Variants in CAND2 observed in about 807,000 individuals in gnomAD.
CAND2 encodes cullin associated and neddylation dissociated 2 (putative), also known as cullin-associated NEDD8-dissociated protein 2.
Under a neutral mutation model 98.9 loss-of-function variants are expected in CAND2, and 62 were observed. The observed-to-expected ratio is 0.63, with a 90% confidence interval of 0.51 to 0.77. The LOEUF is 0.77. Among genes scored for constraint, CAND2 ranks in the 30% least tolerant of loss-of-function variants. CAND2 has a pLI of 0.00. For missense variants in CAND2, 1,501 were observed against 1,655.2 expected (o/e 0.91, Z 1.62); for synonymous variants, 770 against 731.9 (o/e 1.05, Z -0.84).
intron 10 of CAND2, among the ~76,000 whole-genome samples, chr3:12,818,756 A>ACT (rs1307439453): frequency 6.6e-6 from 1 of 152,170 alleles, no homozygotes; most frequent in Non-Finnish European, 1.5e-5. Flanking sequence ...TGCTGTTGTT[A>ACT]CTAGGTAGGT....
intron 2 of CAND2, among the ~76,000 whole-genome samples, chr3:12,805,512 T>A (rs1176483713): frequency 6.6e-6 from 1 of 152,104 alleles, no homozygotes; most frequent in Non-Finnish European, 1.5e-5. Context: ...GGTCTTGAAC[T>A]CCTGACCTCA....
In CAND2 at chr3:12,815,439, C is replaced by T. The variant is rs140978687; in HGVS notation, c.1299+6C>T. The T allele has an allele frequency of 1.7e-4, 273 of 1,602,396 alleles. 1 individual carries two copies. In the African/African-American group the frequency reaches 3.0e-3, roughly 17 times the overall value. On this transcript the variant is annotated splice_donor_region_variant and intron_variant, in intron 8 of 14. Transcript: ENST00000456430. The surrounding 1 kb of genome is among the most constrained non-coding windows in gnomAD (Gnocchi z 5.7). ...TCCATATGCTACGTGGACAGGTGGG[C>T]GTGCCTTCACCTCCACCCCTACCCC...
intron 5 of CAND2, 138 bp from the exon 6 acceptor site, chr3:12,812,852 A>G: frequency 8.0e-6 from 5 of 626,342 alleles, no homozygotes; most frequent in South Asian, 5.7e-5. Context: ...TAGAACCCAC[A>G]TTTGCTTGAC....
At chr3:12,833,247 G>A (rs539740622) in intron 14 of CAND2, among the ~76,000 whole-genome samples, 1 of 152,192 alleles carries the variant, frequency 6.6e-6, no homozygotes, top group South Asian at 2.1e-4. Flanking sequence ...AACAGAAACT[G>A]CAGGAGGTAG....
intron 1 of CAND2, among the ~76,000 whole-genome samples, chr3:12,798,972 T>C (rs1173426117): frequency 6.6e-6 from 1 of 152,070 alleles, no homozygotes; most frequent in Admixed American, 6.5e-5. Flanking sequence ...GACCTTTGTT[T>C]CCTGTTCTTC....
In CAND2 at chr3:12,815,166, C is replaced by T. The variant is rs373312580; in HGVS notation, c.1032C>T (p.Asp344=). The T allele has an allele frequency of 9.4e-5, 152 of 1,611,878 alleles. No individual in the cohort carries two copies. The highest frequency in any genetic ancestry group is 3.3e-4 in the Middle Eastern group (2 of 6,078). ...EQESEDEYSD[D]DDMSWKVRRA... is the part of the protein sequence containing the mutation. ...AGAGTGAAGACGAGTACAGCGATGACGATGACATGAGCTGGAAGGTGCGCC... is the reference window on the plus strand; with the variant it reads ...AGAGTGAAGACGAGTACAGCGATGATGATGACATGAGCTGGAAGGTGCGCC... The change falls in exon 8 of 15, where the codon GAC becomes GAT. Residue 344 remains aspartate, a synonymous_variant. Transcript: ENST00000456430. The surrounding 1 kb of genome is among the most constrained non-coding windows in gnomAD (Gnocchi z 5.7).
chr3:12,810,102 T>C lies in CAND2; in HGVS notation c.535T>C (p.Cys179Arg). The C allele has an allele frequency of 6.7e-7, 1 of 1,502,014 alleles. No homozygotes were observed. The highest frequency in any genetic ancestry group is 2.6e-5 in the East Asian group (1 of 38,018). The allele number at this position is 1,502,014 out of a possible 1,614,324, so 93.0% of individuals were successfully genotyped here. ...LGAFHASLLH[C>R]LLPQLSSPRL... ...CGCCTTCCACGCCAGCCTCCTGCAC[T>C]GTCTGCTGCCACAGCTGAGCAGCCC... The change falls in exon 5 of 15, where the codon TGT (cysteine) becomes CGT (arginine). Residue 179 changes from cysteine to arginine, a missense_variant. This residue lies in a region of CAND2 where 1,427 missense variants were observed against 1,545.3 expected (regional missense o/e 0.92). Coordinates refer to ENST00000456430, the MANE Select transcript of CAND2 (RefSeq NM_001162499.2).
intron 1 of CAND2, among the ~76,000 whole-genome samples, chr3:12,801,059 A>T (rs1293399157): frequency 2.6e-5 from 2 of 76,264 alleles, no homozygotes; most frequent in South Asian, 3.9e-4. Context: ...TTTTTTTGAG[A>T]TGGATACTCG....
At chr3:12,802,988 C>CTTTT (rs34041335) in intron 1 of CAND2, among the ~76,000 whole-genome samples, 7 of 127,398 alleles carry the variant, frequency 5.5e-5, no homozygotes, top group Non-Finnish European at 6.5e-5. Context: ...CCATTAAAAT[C>CTTTT]TTTTTTTTTT....
chr3:12,829,399 G>A (rs1416437357), intron 13 of CAND2, among the ~76,000 whole-genome samples: 3 of 152,106 alleles, frequency 2.0e-5, no homozygotes, highest in Non-Finnish European at 2.9e-5. Context: ...CACCCACCTC[G>A]GCCTCCCAAA....
intron 13 of CAND2, among the ~76,000 whole-genome samples, chr3:12,830,156 G>A (rs975115482): frequency 3.3e-5 from 5 of 152,044 alleles, no homozygotes; most frequent in Non-Finnish European, 5.9e-5. Flanking sequence ...TCTCCCCCTC[G>A]GCTTTATTAT....
intron 2 of CAND2, among the ~76,000 whole-genome samples, chr3:12,804,408 A>G (rs1406091862): frequency 6.6e-6 from 1 of 152,174 alleles, no homozygotes; most frequent in African/African-American, 2.4e-5. Context: ...GATTGCAGTG[A>G]GCCAAGATTG....
chr3:12,814,659 G>A (rs1326906126), intron 7 of CAND2, among the ~76,000 whole-genome samples: 2 of 152,006 alleles, frequency 1.3e-5, no homozygotes, highest in African/African-American at 4.8e-5. Context: ...CCCAGTAAAC[G>A]AAACATCACA....
chr3:12,821,760 A>G (rs1406746109), intron 11 of CAND2, among the ~76,000 whole-genome samples: 1 of 152,116 alleles, frequency 6.6e-6, no homozygotes, highest in Non-Finnish European at 1.5e-5. Context: ...ACAAGCAAGG[A>G]GCTGTGAGCA....
Position 12,815,165 on chromosome 3 carries a change from A to T in CAND2, c.1031A>T (p.Asp344Val), listed in dbSNP as rs147325718. The part of the protein sequence containing the change: ...EQESEDEYSD[D>V]DDMSWKVRRA... Reference sequence around the variant, plus strand: ...GAGAGTGAAGACGAGTACAGCGATGACGATGACATGAGCTGGAAGGTGCGC... The same window carrying T: ...GAGAGTGAAGACGAGTACAGCGATGTCGATGACATGAGCTGGAAGGTGCGC... The change falls in exon 8 of 15, where the codon GAC (aspartate) becomes GTC (valine). Residue 344 changes from aspartate to valine, a missense_variant. By Grantham distance (152) the Asp-to-Val change is radical. Coordinates refer to ENST00000456430, the MANE Select transcript of CAND2 (RefSeq NM_001162499.2). The surrounding 1 kb of genome is among the most constrained non-coding windows in gnomAD (Gnocchi z 5.7). 3 of 1,612,164 alleles carry T rather than the reference A, an allele frequency of 1.9e-6. No homozygotes were observed. Among genetic ancestry groups the T allele is most frequent in the Non-Finnish European group, 1.7e-6 (2 of 1,178,652 alleles).
rs1268528345 is a variant in CAND2, at chr3:12,815,020, T to A, written c.1007-121T>A. On this transcript the variant is annotated intron_variant, in intron 7 of 14. Transcript: ENST00000456430. This position sits in a 1 kb window ranked among gnomAD's most constrained non-coding sequence, Gnocchi z 5.7. ...ATGTTCCCCATAGGGTATCTATAAATGCTGATCATCAAAAAGTGAAGCACA... is the reference window on the plus strand; with the variant it reads ...ATGTTCCCCATAGGGTATCTATAAAAGCTGATCATCAAAAAGTGAAGCACA... The A allele has an allele frequency of 4.2e-6, 4 of 948,564 alleles. No individual in the cohort carries two copies. Among genetic ancestry groups the A allele is most frequent in the Non-Finnish European group, 6.4e-6 (4 of 629,888 alleles). The allele number at this position is 948,564 out of a possible 1,614,324, so 58.8% of individuals were successfully genotyped here. A position where few individuals can be genotyped will look rare whatever the true frequency, so the allele number is the denominator to read the frequency against.
chr3:12,803,578 G>T lies in CAND2; in HGVS notation c.159G>T (p.Leu53=). The T allele has an allele frequency of 6.2e-7, 1 of 1,613,420 alleles. No homozygotes were observed. Among genetic ancestry groups the T allele is most frequent in the South Asian group, 1.1e-5 (1 of 90,994 alleles). The change falls in exon 2 of 15, where the codon CTG becomes CTT. Residue 53 remains leucine, a synonymous_variant. Coordinates refer to ENST00000456430, the MANE Select transcript of CAND2 (RefSeq NM_001162499.2). ...GCGAGCGCAAGGTGGTGAAGATGCTGCTCCGGCTCCTGGAGGACAAGAACG... is the reference window on the plus strand; with the variant it reads ...GCGAGCGCAAGGTGGTGAAGATGCTTCTCCGGCTCCTGGAGGACAAGAACG... ...EDSERKVVKM[L]LRLLEDKNGE...
chr3:12,823,181 G>A (rs1178090611), intron 11 of CAND2, among the ~76,000 whole-genome samples: 4 of 152,158 alleles, frequency 2.6e-5, no homozygotes, highest in Non-Finnish European at 5.9e-5. Context: ...TAGTTTTTTT[G>A]TGTTTCGCTA....
intron 1 of CAND2, among the ~76,000 whole-genome samples, chr3:12,801,517 A>G (rs897059864): frequency 6.6e-6 from 1 of 152,172 alleles, no homozygotes; most frequent in African/African-American, 2.4e-5. Flanking sequence ...TCGACTTGGA[A>G]AGTTGGCCCC....
Sources: allele counts gnomAD v4.1 joint callset (sites outside exome capture counted in the v4.1 genomes callset), GRCh38; gene constraint gnomAD v4.1.1; regional missense constraint gnomAD v4.1.1; non-coding constraint Gnocchi (gnomAD v3.1); transcripts MANE v1.5; gene names NCBI Gene and HGNC (gene_info 2026-07-23, HGNC 2026-07-21).